NOSTRIN: variants seen among roughly 807,000 people sequenced by gnomAD.
NOSTRIN encodes BM247 homolog.
NOSTRIN carries 63 observed loss-of-function variants against 59.0 expected under a neutral mutation model. The ratio of observed to expected loss-of-function variants is 1.07; its 90% CI spans 0.87 to 1.32. The LOEUF (loss-of-function observed/expected upper bound fraction) is 1.32. NOSTRIN is among the 40% of genes most tolerant of loss of function. NOSTRIN has a pLI of 0.00. For missense variants in NOSTRIN, 512 were observed against 473.1 expected (o/e 1.08, Z -0.76); for synonymous variants, 200 against 165.4 (o/e 1.21, Z -1.61).
chr2:168,840,987 C>T (rs1426806999), intron 7 of NOSTRIN, among the ~76,000 whole-genome samples: 1 of 151,712 alleles, frequency 6.6e-6, no homozygotes, highest in Non-Finnish European at 1.5e-5. Context: ...GTGCGATGGC[C>T]CACACTCATG....
At chr2:168,818,456 T>A (rs1686540590) in intron 2 of NOSTRIN, among the ~76,000 whole-genome samples, 1 of 152,210 alleles carries the variant, frequency 6.6e-6, no homozygotes, top group African/African-American at 2.4e-5. Flanking sequence ...GCTCCTGGCC[T>A]TAACTCCATT....
chr2:168,864,866 G>T lies in NOSTRIN; in HGVS notation c.1417G>T (p.Gly473Ter). Residue 473 changes from glycine (G) to a stop codon, truncating the protein, a stop_gained, in exon 16 of 16, where the codon GGA becomes TGA. Coordinates refer to ENST00000317647, the MANE Select transcript of NOSTRIN (RefSeq NM_001039724.4). LOFTEE classifies it high-confidence loss of function. The part of the protein sequence containing the change: ...DIVIIHEKKE[G>*]GWWFGSLNGK... ...TGTGATTATACACGAGAAAAAAGAA[G>T]GAGGATGGTGGTTTGGATCTTTGAA... 6.2e-7 allele frequency: 1 copy of T among 1,613,798 alleles called. No individual in the cohort carries two copies. The highest frequency in any genetic ancestry group is 1.1e-5 in the South Asian group (1 of 91,050).
upstream of NOSTRIN, among the ~76,000 whole-genome samples, chr2:168,800,337 T>C (rs1489145856): frequency 6.6e-6 from 1 of 152,226 alleles, no homozygotes; most frequent in African/African-American, 2.4e-5. Flanking sequence ...AGCATTATTG[T>C]GACAAAGGAT....
At chr2:168,788,015 A>T (rs1685249807) in exon 2 of NOSTRIN, 1 of 152,196 alleles carries the variant, frequency 6.6e-6, no homozygotes, top group Non-Finnish European at 1.5e-5. Flanking sequence ...GAGAAGAAGA[A>T]GATAAATCAG....
chr2:168,831,320 C>T (rs1401952213), intron 5 of NOSTRIN, 152 bp from the exon 6 acceptor site: 1 of 581,572 alleles, frequency 1.7e-6, no homozygotes, highest in Non-Finnish European at 3.2e-6. Context: ...CCCTCATGAA[C>T]TAATCATTTC....
At chr2:168,827,456 ACTT>A (rs1190772322) in intron 3 of NOSTRIN, among the ~76,000 whole-genome samples, 19 of 152,114 alleles carry the variant, frequency 1.2e-4, no homozygotes, top group African/African-American at 4.6e-4. Flanking sequence ...TTATCACTTA[ACTT>A]TTCTGAGTCT....
At chr2:168,791,040 G>C (rs1446233461) in intron 2 of NOSTRIN, among the ~76,000 whole-genome samples, 1 of 151,988 alleles carries the variant, frequency 6.6e-6, no homozygotes, top group Non-Finnish European at 1.5e-5. Context: ...ATGTCACAAT[G>C]TGCAGGTTTG....
At chr2:168,838,682 C>G (rs1687880880) in intron 7 of NOSTRIN, among the ~76,000 whole-genome samples, 1 of 152,112 alleles carries the variant, frequency 6.6e-6, no homozygotes, top group Non-Finnish European at 1.5e-5. Context: ...TATCTATTCC[C>G]CATGTACAAG....
rs142711497 is a variant in NOSTRIN at position 168,816,563 on chromosome 2, T to G, written c.113+4911T>G. Among the ~76,000 whole-genome samples the G allele has an allele frequency of 2.5e-3, 377 of 152,340 alleles. 3 individuals are homozygous for G. The highest frequency in any genetic ancestry group is 8.3e-3 in the African/African-American group (346 of 41,572). On this transcript the variant is annotated intron_variant, in intron 2 of 15. Transcript: ENST00000317647. Reference sequence around the variant, plus strand: ...CTGTATTGCCTGCCTGGTAGATGTTTCATCACCTTCATTGCCTGGCTCCAT... The same window carrying G: ...CTGTATTGCCTGCCTGGTAGATGTTGCATCACCTTCATTGCCTGGCTCCAT...
intron 4 of NOSTRIN, 45 bp downstream of exon 4, chr2:168,828,265 A>C (rs1687161983): frequency 1.1e-6 from 1 of 872,512 alleles, no homozygotes. Flanking sequence ...AAAGGGAATC[A>C]AATATTTAAA....
upstream of NOSTRIN, among the ~76,000 whole-genome samples, chr2:168,800,093 G>A (rs1044405116): frequency 1.3e-5 from 2 of 152,194 alleles, no homozygotes; most frequent in African/African-American, 4.8e-5. Flanking sequence ...ACCCTGAGAA[G>A]AGCCTGGTTA....
rs750339804 is a variant in NOSTRIN, at chr2:168,831,468, A to G, written c.343-4A>G. On this transcript the variant is annotated splice_polypyrimidine_tract_variant and splice_region_variant and intron_variant, in intron 5 of 15. Coordinates refer to ENST00000317647, the MANE Select transcript of NOSTRIN (RefSeq NM_001039724.4). ...GCTTTGTTTCCTTTTTCCTTTTTCAATAGCTTGACAATGAAGTTGAAAAGA... is the reference window on the plus strand; with the variant it reads ...GCTTTGTTTCCTTTTTCCTTTTTCAGTAGCTTGACAATGAAGTTGAAAAGA... 3.0e-5 allele frequency: 26 copies of G among 863,092 alleles called. No homozygotes were observed. The highest frequency in any genetic ancestry group is 5.1e-5 in the Non-Finnish European group (25 of 493,936). 53.5% of individuals were successfully genotyped at this position (863,092 alleles called of 1,614,324 possible).
At chr2:168,792,320 A>G (rs1685378983) in intron 2 of NOSTRIN, among the ~76,000 whole-genome samples, 1 of 152,122 alleles carries the variant, frequency 6.6e-6, no homozygotes, top group Non-Finnish European at 1.5e-5. Flanking sequence ...TTAGTGAAAG[A>G]AAAAAATGCA....
rs541494348 is a variant in NOSTRIN, at chr2:168,862,650, C to A, written c.1384+601C>A. Among the ~76,000 whole-genome samples, 359 of 152,282 alleles carry A rather than the reference C, an allele frequency of 2.4e-3. 2 individuals carry two copies. Among genetic ancestry groups the A allele is most frequent in the African/African-American group, 8.1e-3 (337 of 41,556 alleles). ...TTACAGCCAGTCTAAAGAGTGAGATCCCCTTCTTTGTGTCACAGAGTTTTA... is the reference window on the plus strand; with the variant it reads ...TTACAGCCAGTCTAAAGAGTGAGATACCCTTCTTTGTGTCACAGAGTTTTA... On this transcript the variant is annotated intron_variant, in intron 15 of 15. Coordinates refer to ENST00000317647, the MANE Select transcript of NOSTRIN (RefSeq NM_001039724.4).
chr2:168,861,037 C>T (rs571107825), intron 14 of NOSTRIN, 128 bp downstream of exon 14: 209 of 600,112 alleles, frequency 3.5e-4, no homozygotes, highest in East Asian at 2.6e-3. Flanking sequence ...CCATTGGGAC[C>T]GATTAATTTG....
chr2:168,823,097 A>G (rs1389602080), intron 2 of NOSTRIN, among the ~76,000 whole-genome samples: 2 of 152,034 alleles, frequency 1.3e-5, no homozygotes, highest in African/African-American at 2.4e-5. Context: ...GCTCACTGCA[A>G]CCTCCACCTC....
chr2:168,863,545 A>C (rs1351410626), intron 15 of NOSTRIN: 16 of 985,206 alleles, frequency 1.6e-5, no homozygotes, highest in Middle Eastern at 5.2e-4. Context: ...TCTCTATGGA[A>C]TTCTCTTTAT....
intron 15 of NOSTRIN, among the ~76,000 whole-genome samples, chr2:168,864,303 CAG>C (rs1689705452): frequency 1.4e-5 from 2 of 146,146 alleles, no homozygotes; most frequent in African/African-American, 5.1e-5. Flanking sequence ...TTTTCTGAGA[CAG>C]AGTCTTGCCC....
chr2:168,820,889 C>T (rs1391891376), intron 2 of NOSTRIN, among the ~76,000 whole-genome samples: 2 of 152,128 alleles, frequency 1.3e-5, no homozygotes, highest in East Asian at 1.9e-4. Context: ...ACACCTTGTA[C>T]AGTCTGCAAG....
Sources: gnomAD v4.1 joint callset for allele counts (sites outside exome capture counted in the v4.1 genomes callset) on GRCh38, gnomAD v4.1.1 for gene constraint, MANE v1.5 for transcripts, NCBI Gene and HGNC (gene_info 2026-07-23, HGNC 2026-07-21) for gene names.